The following RIMS2 variants were observed in gnomAD, a reference collection of about 807,000 sequenced individuals.
The protein encoded by RIMS2 is regulating synaptic membrane exocytosis protein 2.
Under a neutral mutation model 174.4 loss-of-function variants are expected in RIMS2, and 59 were observed. The ratio of observed to expected loss-of-function variants is 0.34; its 90% confidence interval spans 0.27 to 0.42. The LOEUF is 0.42. RIMS2 is among the 10% of genes least tolerant of loss of function. The probability of loss-of-function intolerance (pLI) is 1.00; values close to 1 mark genes in which losing one functional copy is unlikely to be tolerated. For synonymous variants in RIMS2, 606 were observed against 572.5 expected, an observed-to-expected ratio of 1.06 and a Z score of -0.84; for missense variants, 1,620 against 1,666.3, an observed-to-expected ratio of 0.97 and a Z score of 0.48.
At chr8:103,627,390 A>G (rs1025778736) in intron 1 of RIMS2, among the ~76,000 whole-genome samples, 3 of 152,160 alleles carry the variant, frequency 2.0e-5, no homozygotes, top group Non-Finnish European at 4.4e-5. Context: ...ATGTTTTACA[A>G]TCCATTTGTA....
intron 3 of RIMS2, among the ~76,000 whole-genome samples, chr8:103,883,180 A>G (rs952346615): frequency 6.6e-6 from 1 of 151,752 alleles, no homozygotes; most frequent in Admixed American, 6.6e-5. Context: ...TTAACCTAAT[A>G]TATGTTTGTT....
intron 17 of RIMS2, chr8:103,998,216 A>C: frequency 1.2e-6 from 2 of 1,610,404 alleles, no homozygotes; most frequent in Admixed American, 1.7e-5. Flanking sequence ...CTCCAGATAC[A>C]GTCAGACCAT....
At position 104,148,668 on chromosome 8, in the gene RIMS2, A is replaced by C. The variant is rs747662227; in HGVS notation, c.3335-96248A>C. 2.5e-6 allele frequency: 4 copies of C among 1,598,264 alleles called. No homozygotes were observed. The African/African-American group carries it at 5.3e-5, about 21-fold the overall frequency. ...CATATCAGGGAAGAACATGACAAAA[A>C]GCACCAGCATCAGTGGAGACATGTG... On this transcript the variant is annotated intron_variant, in intron 19 of 23. Coordinates refer to ENST00000504942, the Ensembl canonical transcript of RIMS2.
At chr8:104,164,432 T>A (rs62508104) in intron 19 of RIMS2, among the ~76,000 whole-genome samples, 1 of 152,138 alleles carries the variant, frequency 6.6e-6, no homozygotes, top group Non-Finnish European at 1.5e-5. Flanking sequence ...AGGACAAAAA[T>A]GTTTTTTACA....
At chr8:103,719,073 G>A (rs916977406) in intron 2 of RIMS2, among the ~76,000 whole-genome samples, 21 of 152,058 alleles carry the variant, frequency 1.4e-4, no homozygotes, top group African/African-American at 4.6e-4. Context: ...TAGCAAATGA[G>A]TTATAAGAAA....
At chr8:103,798,416 T>C (rs1313467263) in intron 3 of RIMS2, among the ~76,000 whole-genome samples, 1 of 152,060 alleles carries the variant, frequency 6.6e-6, no homozygotes, top group Non-Finnish European at 1.5e-5. Context: ...AGATACAGCA[T>C]TGTGTAAAAA....
chr8:103,916,823 G>A (rs2076707645), intron 8 of RIMS2, among the ~76,000 whole-genome samples: 1 of 152,022 alleles, frequency 6.6e-6, no homozygotes, highest in African/African-American at 2.4e-5. Flanking sequence ...TTTAGTAGGG[G>A]AAGGAGACTA....
chr8:103,619,019 C>G (rs1330640729), intron 1 of RIMS2, among the ~76,000 whole-genome samples: 2 of 151,060 alleles, frequency 1.3e-5, no homozygotes, highest in African/African-American at 4.9e-5. Flanking sequence ...ACTTCTAGAT[C>G]CAGATATGCC....
chr8:104,005,360 G>T, intron 17 of RIMS2, among the ~76,000 whole-genome samples: 1 of 152,108 alleles, frequency 6.6e-6, no homozygotes, highest in East Asian at 1.9e-4. Flanking sequence ...CTGGATTCCT[G>T]GACTGTGAAA....
intron 14 of RIMS2, among the ~76,000 whole-genome samples, chr8:103,944,361 TGGTG>T (rs2083226838): frequency 6.6e-6 from 1 of 152,082 alleles, no homozygotes; most frequent in Non-Finnish European, 1.5e-5. Context: ...CAGTGTAGGA[TGGTG>T]GGTTATTACA....
Position 103,624,937 on chromosome 8 carries a change from C to G in RIMS2, c.177-72149C>G, listed in dbSNP as rs559735579. 2.0e-5 allele frequency among the ~76,000 whole-genome samples: 3 copies of G among 152,092 alleles called. No individual in the cohort carries two copies. In the East Asian group the frequency reaches 5.8e-4, roughly 29 times the overall value. The stretch of plus-strand genomic sequence containing the variant: ...CAGAAAATACTAAGCCCCTTTTTGG[C>G]AGAAGAATATGGAAGGGTAAAGGAA... On this transcript the variant is annotated intron_variant, in intron 1 of 23. Transcript: ENST00000504942.
At chr8:103,940,228 A>T (rs2082216621) in intron 13 of RIMS2, among the ~76,000 whole-genome samples, 1 of 152,160 alleles carries the variant, frequency 6.6e-6, no homozygotes, top group Non-Finnish European at 1.5e-5. Context: ...ATGACTGGGG[A>T]GGCCTCACAG....
At chr8:104,122,098 A>G (rs1435911092) in intron 19 of RIMS2, among the ~76,000 whole-genome samples, 5 of 152,192 alleles carry the variant, frequency 3.3e-5, no homozygotes, top group Admixed American at 3.3e-4. Flanking sequence ...AGATGATAAT[A>G]GTAGAGAAGG....
At chr8:103,659,407 C>T (rs2096569612) in intron 1 of RIMS2, among the ~76,000 whole-genome samples, 1 of 152,166 alleles carries the variant, frequency 6.6e-6, no homozygotes, top group Non-Finnish European at 1.5e-5. Context: ...CTAATTTCAC[C>T]TTCTGGGTCT....
chr8:103,827,431 C>T (rs1293445648), intron 3 of RIMS2, among the ~76,000 whole-genome samples: 1 of 151,994 alleles, frequency 6.6e-6, no homozygotes, highest in African/African-American at 2.4e-5. Flanking sequence ...ATTTCTTTTC[C>T]AGTATTTATG....
At chr8:104,169,304 CTA>C (rs751636552) in intron 19 of RIMS2, among the ~76,000 whole-genome samples, 11,153 of 86,720 alleles carry the variant, frequency 0.13, 554 homozygotes, top group Non-Finnish European at 0.16. Flanking sequence ...TTGTTGTTGG[CTA>C]TATATATATA....
At chr8:103,509,502 G>A (rs1825422238) in intron 1 of RIMS2, among the ~76,000 whole-genome samples, 1 of 152,084 alleles carries the variant, frequency 6.6e-6, no homozygotes, top group South Asian at 2.1e-4. Context: ...AAATATGAGT[G>A]TATTTTAGGA....
At chr8:103,655,357 C>G (rs13280576) in intron 1 of RIMS2, among the ~76,000 whole-genome samples, 26,594 of 151,628 alleles carry the variant, frequency 0.18, 2,528 homozygotes, top group African/African-American at 0.23. Flanking sequence ...ATAAAACAAG[C>G]CTCTGGATAA....
At chr8:103,975,279 A>G in intron 15 of RIMS2, 71 bp from the exon 18 acceptor site, 1 of 970,382 alleles carries the variant, frequency 1.0e-6, no homozygotes, top group Non-Finnish European at 1.5e-6. Flanking sequence ...TTTGTTTTTG[A>G]GTAAAGTAGA....
Sources: gnomAD v4.1 joint callset for allele counts (sites outside exome capture counted in the v4.1 genomes callset) on GRCh38, gnomAD v4.1.1 for gene constraint, MANE v1.5 for transcripts, NCBI Gene and HGNC (gene_info 2026-07-23, HGNC 2026-07-21) for gene names.